Variants in CDC16 observed in about 807,000 individuals in gnomAD.
The protein encoded by CDC16 is cell division cycle 16, also known as cell division cycle protein 16 homolog.
A neutral mutation model predicts 87.0 loss-of-function variants in CDC16; 34 were observed. The observed-to-expected ratio is 0.39, with a 90% CI of 0.30 to 0.52. The LOEUF (loss-of-function observed/expected upper bound fraction) is 0.52, where lower values mean the gene tolerates loss of function less well. Among genes scored for constraint, CDC16 ranks in the 20% least tolerant of loss-of-function variants. The probability of loss-of-function intolerance (pLI) is 0.74; values close to 1 mark genes in which losing one functional copy is unlikely to be tolerated. For missense variants in CDC16, 653 were observed against 751.9 expected (o/e 0.87, Z 1.54); for synonymous variants, 263 against 260.6 (o/e 1.01, Z -0.09).
intron 15 of CDC16, among the ~76,000 whole-genome samples, 169 bp downstream of exon 15, chr13:114,262,117 A>G (rs1439171589): frequency 6.6e-6 from 1 of 152,214 alleles, no homozygotes; most frequent in African/African-American, 2.4e-5. Context: ...GTGTTGGTGT[A>G]ATTTTATTTT....
intron 13 of CDC16, 55 bp from the exon 14 acceptor site, chr13:114,259,280 A>C: frequency 1.5e-6 from 2 of 1,324,960 alleles, no homozygotes; most frequent in East Asian, 2.5e-5. Flanking sequence ...AATTTTTTTA[A>C]AGTTTATATT....
At chr13:114,270,107 C>A (rs1466899362) in intron 17 of CDC16, among the ~76,000 whole-genome samples, 1 of 152,150 alleles carries the variant, frequency 6.6e-6, no homozygotes, top group South Asian at 2.1e-4. Flanking sequence ...TAAAGAAATA[C>A]CTGAGCCTGG....
At chr13:114,267,531 A>T (rs1351993690) in intron 17 of CDC16, among the ~76,000 whole-genome samples, 1 of 152,310 alleles carries the variant, frequency 6.6e-6, no homozygotes, top group East Asian at 1.9e-4. Context: ...GTAGTTATGC[A>T]TATTCTTACA....
At chr13:114,264,921 T>C (rs1051289199) in intron 16 of CDC16, 1 of 433,814 alleles carries the variant, frequency 2.3e-6, no homozygotes, top group Non-Finnish European at 4.3e-6. Flanking sequence ...ATAGAACTTT[T>C]TAAAAAATCT....
At chr13:114,242,719 C>T (rs948223429) in intron 6 of CDC16, 3 of 164,558 alleles carry the variant, frequency 1.8e-5, no homozygotes, top group African/African-American at 4.8e-5. Flanking sequence ...GGTGCGTCAA[C>T]AAGGGAAACA....
At chr13:114,264,132 G>A (rs947969286) in intron 16 of CDC16, 1 of 152,170 alleles carries the variant, frequency 6.6e-6, no homozygotes, top group African/African-American at 2.4e-5. Flanking sequence ...GTACCATGAT[G>A]GTCACCAGAA....
At chr13:114,265,722 G>GT (rs1446919147) in intron 17 of CDC16, among the ~76,000 whole-genome samples, 1 of 152,202 alleles carries the variant, frequency 6.6e-6, no homozygotes, top group Non-Finnish European at 1.5e-5. Flanking sequence ...CACTCGTTTA[G>GT]TTATAAACAT....
chr13:114,266,980 G>A (rs908516685), intron 17 of CDC16, among the ~76,000 whole-genome samples: 1 of 152,114 alleles, frequency 6.6e-6, no homozygotes, highest in Non-Finnish European at 1.5e-5. Flanking sequence ...ACAGGCGTGA[G>A]CCACCATGTC....
Position 114,234,937 on chromosome 13 carries a change from G to A in CDC16, c.-148G>A. ...GGTGGGGGGTGCGGGTGTGGGTGGG[G>A]ACCTGCGGCCTTCGAGTCCGCGGCC... On this transcript the variant is annotated 5_prime_UTR_variant, in exon 1 of 18. Coordinates refer to ENST00000356221, the MANE Select transcript of CDC16 (RefSeq NM_001078645.3). The A allele has an allele frequency of 2.2e-6, 1 of 457,662 alleles. No homozygotes were observed. Among genetic ancestry groups the A allele is most frequent in the Non-Finnish European group, 3.6e-6 (1 of 281,514 alleles). 28.4% of individuals were successfully genotyped at this position (457,662 alleles called of 1,614,324 possible). A position where few individuals can be genotyped will look rare whatever the true frequency, so the allele number is the denominator to read the frequency against.
chr13:114,259,094 TAAAAA>T (rs5807005), intron 13 of CDC16, among the ~76,000 whole-genome samples: 1,348 of 111,446 alleles, frequency 0.012, 22 homozygotes, highest in African/African-American at 0.042. Flanking sequence ...GTGAGACTCT[TAAAAA>T]AAAAAAAAAA....
chr13:114,244,427 C>A (rs1446632134), intron 8 of CDC16: 1 of 161,060 alleles, frequency 6.2e-6, no homozygotes, highest in Non-Finnish European at 1.3e-5. Flanking sequence ...TTTTGTAGAT[C>A]TTGGTTCGGT....
rs533639149 is a variant in CDC16 at position 114,243,728 on chromosome 13, T to C, written c.634-128T>C. Reference sequence around the variant, plus strand: ...GGAGTACTTATAAAACCTAAAGTTATAAGTTTTCAGAGGCTCTCACATTTG... The same window carrying C: ...GGAGTACTTATAAAACCTAAAGTTACAAGTTTTCAGAGGCTCTCACATTTG... On this transcript the variant is annotated intron_variant, in intron 7 of 17. Transcript: ENST00000356221. The C allele has an allele frequency of 8.5e-5, 58 of 681,004 alleles. 1 individual carries two copies. The highest frequency in any genetic ancestry group is 7.6e-4 in the African/African-American group (42 of 55,010). 42.2% of individuals were successfully genotyped at this position (681,004 alleles called of 1,614,324 possible).
At chr13:114,235,291 C>T (rs1415106834) in intron 1 of CDC16, among the ~76,000 whole-genome samples, 159 bp downstream of exon 1, 2 of 152,142 alleles carry the variant, frequency 1.3e-5, no homozygotes, top group South Asian at 2.1e-4. Context: ...CCGCCTCGCC[C>T]AGAAGGGAGC....
chr13:114,267,700 T>C (rs1336899399), intron 17 of CDC16, among the ~76,000 whole-genome samples: 3 of 151,198 alleles, frequency 2.0e-5, no homozygotes, highest in African/African-American at 7.4e-5. Flanking sequence ...GAGTAATCAC[T>C]AAAAAGGAAA....
chr13:114,235,006 G>A lies in CDC16; in HGVS notation c.-79G>A. On this transcript the variant is annotated 5_prime_UTR_variant, in exon 1 of 18. Transcript: ENST00000356221. ...GGCGGCGGCTGCAGGCACGGGCACGGGCACGGGGCGGGGTGCTTAGGGTGC... is the reference window on the plus strand; with the variant it reads ...GGCGGCGGCTGCAGGCACGGGCACGAGCACGGGGCGGGGTGCTTAGGGTGC... 7 of 1,156,306 alleles carry A rather than the reference G, an allele frequency of 6.1e-6. No individual in the cohort carries two copies. Among genetic ancestry groups the A allele is most frequent in the Non-Finnish European group, 6.6e-6 (6 of 914,168 alleles). 71.6% of individuals were successfully genotyped at this position (1,156,306 alleles called of 1,614,324 possible). A position where few individuals can be genotyped will look rare whatever the true frequency, so the allele number is the denominator to read the frequency against.
chr13:114,251,194 T>G (rs1009109120), intron 12 of CDC16, among the ~76,000 whole-genome samples: 1 of 152,176 alleles, frequency 6.6e-6, no homozygotes, highest in Non-Finnish European at 1.5e-5. Context: ...GTGGACTGCT[T>G]CTATTGACTG....
In CDC16 at chr13:114,262,968, A is replaced by T; in HGVS notation, c.1466A>T (p.His489Leu). The change falls in exon 16 of 18, where the codon CAC becomes CTC. Residue 489 changes from histidine to leucine, a missense_variant. Transcript: ENST00000356221. ...ACCTACTCTGCTATTGGATATATCC[A>T]CAGTCTGATGGGCAACTTTGAAAAT... Reference protein sequence around the residue: ...ASTYSAIGYIHSLMGNFENAV... With the variant: ...ASTYSAIGYILSLMGNFENAV... 1 of 1,613,964 alleles carries T rather than the reference A, an allele frequency of 6.2e-7. No individual in the cohort carries two copies. The highest frequency in any genetic ancestry group is 8.5e-7 in the Non-Finnish European group (1 of 1,179,800).
Position 114,246,988 on chromosome 13 carries a change from G to A in CDC16, c.955G>A (p.Ala319Thr), listed in dbSNP as rs747497504. The change falls in exon 11 of 18, where the codon GCC becomes ACC. Residue 319 changes from alanine (A) to threonine (T), a missense_variant. Ala to Thr is a moderately conservative substitution (Grantham distance 58, BLOSUM62 0). Transcript: ENST00000356221. ...YLMVGHKNEH[A>T]RRYLSKATTL... ...CATGGTCGGTCATAAAAATGAACAT[G>A]CCAGAAGATATCTCAGGTATGAATT... is the stretch of plus-strand genomic sequence containing the variant. 1.2e-4 allele frequency: 196 copies of A among 1,609,848 alleles called. No individual in the cohort carries two copies. The highest frequency in any genetic ancestry group is 1.6e-4 in the Non-Finnish European group (193 of 1,176,436).
At chr13:114,240,011 TAAA>T (rs11322000) in intron 5 of CDC16, among the ~76,000 whole-genome samples, 1 of 149,814 alleles carries the variant, frequency 6.7e-6, no homozygotes. Context: ...AATCTGGATT[TAAA>T]AAAAAAAATA....
Sources: gnomAD v4.1 joint callset for allele counts (sites outside exome capture counted in the v4.1 genomes callset) on GRCh38, gnomAD v4.1.1 for gene constraint, MANE v1.5 for transcripts, NCBI Gene and HGNC (gene_info 2026-07-23, HGNC 2026-07-21) for gene names.